POPDC2: variants seen among roughly 807,000 people sequenced by gnomAD.
POPDC2 encodes the protein popeye domain-containing protein 2.
A neutral mutation model predicts 30.5 loss-of-function variants in POPDC2; 24 were observed. The observed-to-expected ratio is 0.79, with a 90% CI of 0.57 to 1.11. The LOEUF is 1.11. POPDC2 is among the 50% of genes least tolerant of loss of function. The pLI is 0.00. For synonymous variants in POPDC2, 185 were observed against 183.3 expected, an observed-to-expected ratio of 1.01 and a Z score of -0.07; for missense variants, 409 against 447.0, an observed-to-expected ratio of 0.91 and a Z score of 0.77.
chr3:119,642,140 CACA>C lies in POPDC2; in HGVS notation c.*462_*464del, dbSNP rs2052697107. Reference sequence around the variant, plus strand: ...TACCTAAATCAACTCATTGGATCCTCACAACAACCCTGTGAGGTGGGTTTCATA... The same window carrying C: ...TACCTAAATCAACTCATTGGATCCTCACAACCCTGTGAGGTGGGTTTCATA... On this transcript the variant is annotated 3_prime_UTR_variant, in exon 4 of 4. Transcript: ENST00000493094. 5.4e-6 allele frequency: 1 copy of C among 186,108 alleles called. No individual in the cohort carries two copies. Among genetic ancestry groups the C allele is most frequent in the Non-Finnish European group, 1.1e-5 (1 of 88,084 alleles). The allele number at this position is 186,108 out of a possible 1,614,324, so 11.5% of individuals were successfully genotyped here.
intron 3 of POPDC2, chr3:119,643,371 T>C: frequency 6.5e-7 from 1 of 1,535,022 alleles, no homozygotes; most frequent in Non-Finnish European, 8.7e-7. Context: ...CTGTACCTTT[T>C]GTTGTCAGGG....
At chr3:119,645,739 T>C (rs1020371552) in intron 3 of POPDC2, among the ~76,000 whole-genome samples, 1 of 152,142 alleles carries the variant, frequency 6.6e-6, no homozygotes, top group Admixed American at 6.5e-5. Context: ...AGAGAAATTG[T>C]AGTGAAATAT....
At position 119,660,530 on chromosome 3, in the gene POPDC2, T is replaced by G; in HGVS notation, c.-107A>C. On this transcript the variant is annotated 5_prime_UTR_variant, in exon 1 of 4. Transcript: ENST00000493094. ...CAGGGGTCTTCTCACCTCCGGCTTC[T>G]CACTACCGACTCCACCTTTCCTAGA... is the stretch of plus-strand genomic sequence containing the variant. 1 of 1,303,138 alleles carries G rather than the reference T, an allele frequency of 7.7e-7. No individual in the cohort carries two copies. The highest frequency in any genetic ancestry group is 1.5e-5 in the South Asian group (1 of 65,330). The allele number at this position is 1,303,138 out of a possible 1,614,324, so 80.7% of individuals were successfully genotyped here. A position where few individuals can be genotyped will look rare whatever the true frequency, so the allele number is the denominator to read the frequency against.
At chr3:119,649,486 A>G (rs115040960) in intron 2 of POPDC2, among the ~76,000 whole-genome samples, 1,716 of 152,282 alleles carry the variant, frequency 0.011, 26 homozygotes, top group African/African-American at 0.038. Context: ...AAATAATGAT[A>G]AGTGGTAAAG....
chr3:119,645,348 G>A (rs989274055), intron 3 of POPDC2, among the ~76,000 whole-genome samples: 1 of 152,138 alleles, frequency 6.6e-6, no homozygotes, highest in Non-Finnish European at 1.5e-5. Context: ...GGATCACCAC[G>A]TCAGGAGATG....
chr3:119,643,313 C>T (rs1349628052), intron 3 of POPDC2: 1 of 1,171,292 alleles, frequency 8.5e-7, no homozygotes, highest in Non-Finnish European at 1.2e-6. Context: ...CTTAGCTATT[C>T]AGGGGCTAAA....
intron 3 of POPDC2, chr3:119,643,347 G>C: frequency 1.3e-6 from 2 of 1,499,132 alleles, no homozygotes; most frequent in Non-Finnish European, 1.8e-6. Context: ...TTTTCTTTAG[G>C]CCTCCACTTT....
chr3:119,660,339 C>T lies in POPDC2; in HGVS notation c.85G>A (p.Val29Ile), dbSNP rs4688023. The change falls in exon 1 of 4, where the codon GTC becomes ATC. Residue 29 changes from valine to isoleucine, a missense_variant. Coordinates refer to ENST00000493094, the MANE Select transcript of POPDC2 (RefSeq NM_001369919.2). The part of the protein sequence containing the change: ...IRWKQDVEGA[V>I]YHLANCLLLL... ...AAGAGGCAGTTGGCTAGGTGGTAGACAGCCCCTTCCACATCCTGCTTCCAC... is the reference window on the plus strand; with the variant it reads ...AAGAGGCAGTTGGCTAGGTGGTAGATAGCCCCTTCCACATCCTGCTTCCAC... The T allele has an allele frequency of 0.45, 724,965 of 1,613,634 alleles. 164,742 individuals carry two copies. Among genetic ancestry groups the T allele is most frequent in the South Asian group, 0.53 (47,938 of 91,058 alleles).
rs147719575 is a variant in POPDC2, at chr3:119,646,172, C to T, written c.*43+1947G>A. ...ATTAAAAACTAATAAGATGGGGGTACAGGGTGTTTAGGAGGAAGAATAGAT... is the reference window on the plus strand; with the variant it reads ...ATTAAAAACTAATAAGATGGGGGTATAGGGTGTTTAGGAGGAAGAATAGAT... On this transcript the variant is annotated intron_variant, in intron 3 of 3. Coordinates refer to ENST00000493094, the MANE Select transcript of POPDC2 (RefSeq NM_001369919.2). Among the ~76,000 whole-genome samples the T allele has an allele frequency of 6.6e-3, 996 of 151,578 alleles. 5 individuals carry two copies. Among genetic ancestry groups the T allele is most frequent in the African/African-American group, 0.023 (930 of 41,302 alleles).
chr3:119,643,483 C>T, intron 3 of POPDC2: 1 of 1,319,958 alleles, frequency 7.6e-7, no homozygotes, highest in Non-Finnish European at 1.1e-6. Context: ...GAGAGAGAGA[C>T]TGCTAAACAA....
chr3:119,645,479 G>A (rs1232705703), intron 3 of POPDC2, among the ~76,000 whole-genome samples: 2 of 151,444 alleles, frequency 1.3e-5, no homozygotes, highest in East Asian at 3.9e-4. Flanking sequence ...GGAGAATGGC[G>A]GTGAACCCGG....
chr3:119,646,754 A>G (rs1456578227), intron 3 of POPDC2, among the ~76,000 whole-genome samples: 1 of 152,212 alleles, frequency 6.6e-6, no homozygotes, highest in East Asian at 1.9e-4. Context: ...AAAACCAGGA[A>G]GAACAACATG....
chr3:119,642,374 T>G lies in POPDC2; in HGVS notation c.*231A>C. The G allele has an allele frequency of 1.2e-6, 1 of 815,742 alleles. No homozygotes were observed. Among genetic ancestry groups the G allele is most frequent in the Non-Finnish European group, 2.1e-6 (1 of 479,192 alleles). 50.5% of individuals were successfully genotyped at this position (815,742 alleles called of 1,614,324 possible). On this transcript the variant is annotated 3_prime_UTR_variant, in exon 4 of 4. Coordinates refer to ENST00000493094, the MANE Select transcript of POPDC2 (RefSeq NM_001369919.2). ...TCTGTGTCCTCTCTCACCTTGCCTG[T>G]GAGCCTTCCAGTGGGTGGGAAAAGA...
At chr3:119,650,887 C>A (rs938191151) in intron 2 of POPDC2, among the ~76,000 whole-genome samples, 3 of 152,254 alleles carry the variant, frequency 2.0e-5, no homozygotes, top group Non-Finnish European at 4.4e-5. Context: ...AAACACTGAA[C>A]TTCCTAGTCC....
chr3:119,642,184 C>T lies in POPDC2; in HGVS notation c.*421G>A, dbSNP rs1212704706. Reference sequence around the variant, plus strand: ...GGGTTTCATAACCCCCACTGTTTACCGATGAGGCTCACAGAGGCTATGTAA... The same window carrying T: ...GGGTTTCATAACCCCCACTGTTTACTGATGAGGCTCACAGAGGCTATGTAA... On this transcript the variant is annotated 3_prime_UTR_variant, in exon 4 of 4. Coordinates refer to ENST00000493094, the MANE Select transcript of POPDC2 (RefSeq NM_001369919.2). 4 of 229,054 alleles carry T rather than the reference C, an allele frequency of 1.7e-5. No individual in the cohort carries two copies. Among genetic ancestry groups the T allele is most frequent in the East Asian group, 9.0e-5 (1 of 11,156 alleles). The allele number at this position is 229,054 out of a possible 1,614,324, so 14.2% of individuals were successfully genotyped here.
intron 3 of POPDC2, 140 bp downstream of exon 3, chr3:119,647,979 A>G (rs2052763290): frequency 1.0e-5 from 6 of 592,846 alleles, no homozygotes; most frequent in Middle Eastern, 4.5e-4. Context: ...GTGAGTTGCT[A>G]TCTTCAAAGT....
At chr3:119,650,525 C>A (rs971640045) in intron 2 of POPDC2, among the ~76,000 whole-genome samples, 8 of 152,142 alleles carry the variant, frequency 5.3e-5, no homozygotes, top group African/African-American at 1.7e-4. Context: ...CCATCAATTT[C>A]CCCTTCCTCT....
intron 2 of POPDC2, among the ~76,000 whole-genome samples, chr3:119,653,704 C>A (rs2052844261): frequency 6.6e-6 from 1 of 152,150 alleles, no homozygotes; most frequent in Admixed American, 6.5e-5. Context: ...GTCTCGATCT[C>A]CTGACCTCAG....
chr3:119,650,281 T>C (rs766708837), intron 2 of POPDC2, among the ~76,000 whole-genome samples: 3 of 152,198 alleles, frequency 2.0e-5, no homozygotes, highest in Non-Finnish European at 4.4e-5. Flanking sequence ...CAAATAAAAA[T>C]TCTTTTTCTC....
Sources: gnomAD v4.1 joint callset for allele counts (sites outside exome capture counted in the v4.1 genomes callset) on GRCh38, gnomAD v4.1.1 for gene constraint, MANE v1.5 for transcripts, NCBI Gene and HGNC (gene_info 2026-07-23, HGNC 2026-07-21) for gene names.